Variants in MPDZ observed in about 807,000 individuals in gnomAD.
MPDZ encodes multiple PDZ domain crumbs cell polarity complex component.
Under a neutral mutation model 239.1 loss-of-function variants are expected in MPDZ, and 234 were observed. That is an observed-to-expected ratio of 0.98 (90% CI 0.88 to 1.09). MPDZ has a LOEUF of 1.09. Ranked by LOEUF, MPDZ falls within the 50% of genes least tolerant of loss-of-function variation. The probability of loss-of-function intolerance (pLI) is 0.00; values close to 1 mark genes in which losing one functional copy is unlikely to be tolerated. For missense variants in MPDZ, 3,175 were observed against 2,510.0 expected (o/e 1.26, Z -5.66); for synonymous variants, 1,048 against 881.3 (o/e 1.19, Z -3.35).
At chr9:13,154,330 A>AG (rs941294272) in intron 24 of MPDZ, among the ~76,000 whole-genome samples, 4 of 151,934 alleles carry the variant, frequency 2.6e-5, no homozygotes, top group Admixed American at 2.0e-4. Flanking sequence ...ATCGTTATGT[A>AG]GGGAAAAAAA....
intron 19 of MPDZ, among the ~76,000 whole-genome samples, chr9:13,180,245 A>G (rs1212857419): frequency 6.6e-6 from 1 of 152,208 alleles, no homozygotes; most frequent in Admixed American, 6.6e-5. Flanking sequence ...ATTTGTAAGA[A>G]TGTTCAGACT....
At chr9:13,114,608 A>G (rs554191812) in intron 40 of MPDZ, among the ~76,000 whole-genome samples, 2 of 152,298 alleles carry the variant, frequency 1.3e-5, no homozygotes, top group African/African-American at 2.4e-5. Context: ...TTTTTAAAAT[A>G]TGTTATCTTG....
chr9:13,119,472 T>C (rs766725853), intron 39 of MPDZ, 30 bp downstream of exon 39: 4 of 1,599,114 alleles, frequency 2.5e-6, no homozygotes, highest in South Asian at 1.1e-5. Flanking sequence ...TTCTACGCTA[T>C]TACACAGAAT....
chr9:13,206,206 G>C, intron 10 of MPDZ, 107 bp from the exon 11 acceptor site: 1 of 1,053,418 alleles, frequency 9.5e-7, no homozygotes, highest in Middle Eastern at 2.2e-4. Flanking sequence ...AAAGAATGGA[G>C]AATAAGTATT....
At chr9:13,171,396 T>C (rs560363847) in intron 21 of MPDZ, among the ~76,000 whole-genome samples, 392 of 152,274 alleles carry the variant, frequency 2.6e-3, no homozygotes, top group Middle Eastern at 0.017. Flanking sequence ...GTACGGTCTA[T>C]GTGAAAATCA....
At chr9:13,159,708 C>T (rs898424517) in intron 23 of MPDZ, among the ~76,000 whole-genome samples, 1 of 152,172 alleles carries the variant, frequency 6.6e-6, no homozygotes, top group Non-Finnish European at 1.5e-5. Flanking sequence ...CATCTTGCTT[C>T]TTCCTTTTTA....
intron 12 of MPDZ, among the ~76,000 whole-genome samples, chr9:13,203,895 T>C (rs1237791969): frequency 6.6e-6 from 1 of 152,094 alleles, no homozygotes; most frequent in African/African-American, 2.4e-5. Flanking sequence ...ACAAGTATCA[T>C]GCTCTAAACA....
chr9:13,188,539 G>C (rs575581886), intron 17 of MPDZ, among the ~76,000 whole-genome samples: 2 of 151,898 alleles, frequency 1.3e-5, no homozygotes, highest in Admixed American at 6.6e-5. Context: ...ATCAATCAAT[G>C]TCAAAAGTGA....
intron 23 of MPDZ, among the ~76,000 whole-genome samples, 169 bp from the exon 24 acceptor site, chr9:13,158,279 A>G (rs1414579136): frequency 2.0e-5 from 3 of 152,202 alleles, no homozygotes; most frequent in African/African-American, 2.4e-5. Context: ...AAACGTAACC[A>G]AACAAAATTA....
At chr9:13,233,597 T>TA (rs562098611) in intron 3 of MPDZ, among the ~76,000 whole-genome samples, 8 of 152,084 alleles carry the variant, frequency 5.3e-5, no homozygotes, top group Non-Finnish European at 1.0e-4. Context: ...TTTAATTTGT[T>TA]AAAAAAATCC....
At chr9:13,253,452 A>T (rs536852528) in intron 1 of MPDZ, among the ~76,000 whole-genome samples, 88 of 152,342 alleles carry the variant, frequency 5.8e-4, no homozygotes, top group African/African-American at 2.1e-3. Flanking sequence ...CTGAGGATTC[A>T]GTTCTAATTA....
rs767056600 is a variant in MPDZ at position 13,176,393 on chromosome 9, G to A, written c.2674C>T (p.Pro892Ser). ...AGAGACATATGCAGATCAAGTACTG[G>A]ATCACAAGAATTTTCAATAACATCC... Reference protein sequence around the residue: ...PKDVIENSCDPVLDLHMSLEE... With the variant: ...PKDVIENSCDSVLDLHMSLEE... The change falls in exon 20 of 47, where the codon CCA becomes TCA. Residue 892 changes from proline to serine, a missense_variant. Transcript: ENST00000319217. 2 of 1,577,126 alleles carry A rather than the reference G, an allele frequency of 1.3e-6. No homozygotes were observed. Among genetic ancestry groups the A allele is most frequent in the East Asian group, 2.3e-5 (1 of 44,084 alleles).
intron 13 of MPDZ, among the ~76,000 whole-genome samples, chr9:13,195,361 T>C (rs1051176902): frequency 2.0e-5 from 3 of 152,108 alleles, no homozygotes; most frequent in African/African-American, 4.8e-5. Context: ...ACACTACTGC[T>C]TGGCACAAAG....
intron 12 of MPDZ, among the ~76,000 whole-genome samples, chr9:13,198,386 A>G (rs557500992): frequency 1.1e-4 from 16 of 152,162 alleles, no homozygotes; most frequent in Admixed American, 9.2e-4. Context: ...GGCCATTTGT[A>G]TGTCTTCCTT....
intron 31 of MPDZ, chr9:13,135,833 A>C (rs1946657354): frequency 3.5e-6 from 1 of 281,816 alleles, no homozygotes; most frequent in Admixed American, 5.1e-5. Flanking sequence ...TTTATCCTCA[A>C]TTTCTTTTCA....
intron 24 of MPDZ, among the ~76,000 whole-genome samples, chr9:13,157,154 CA>C (rs1245294407): frequency 6.6e-6 from 1 of 152,132 alleles, no homozygotes; most frequent in African/African-American, 2.4e-5. Flanking sequence ...TTCTCTTGAG[CA>C]TTTTATTTAT....
At chr9:13,206,501 A>G (rs1957010719) in intron 10 of MPDZ, among the ~76,000 whole-genome samples, 1 of 150,702 alleles carries the variant, frequency 6.6e-6, no homozygotes, top group Admixed American at 6.6e-5. Flanking sequence ...CGATCCTCTC[A>G]TCGTATCTTC....
At chr9:13,214,603 TAA>T (rs752287500) in intron 10 of MPDZ, among the ~76,000 whole-genome samples, 3 of 152,044 alleles carry the variant, frequency 2.0e-5, no homozygotes, top group Non-Finnish European at 4.4e-5. Flanking sequence ...CTTATTTTTT[TAA>T]AAGTTTTCTA....
chr9:13,159,722 A>G (rs1364872105), intron 23 of MPDZ, among the ~76,000 whole-genome samples: 1 of 152,146 alleles, frequency 6.6e-6, no homozygotes, highest in Non-Finnish European at 1.5e-5. Flanking sequence ...CTTTTTAGGT[A>G]CAAGAAGATA....
Sources: gnomAD v4.1 joint callset for allele counts (sites outside exome capture counted in the v4.1 genomes callset) on GRCh38, gnomAD v4.1.1 for gene constraint, MANE v1.5 for transcripts, NCBI Gene and HGNC (gene_info 2026-07-23, HGNC 2026-07-21) for gene names.